Variants in CFHR3 observed in about 807,000 individuals in gnomAD.
CFHR3 encodes the protein complement factor H-related protein 3.
A neutral mutation model predicts 36.0 loss-of-function variants in CFHR3; 22 were observed. That is an observed-to-expected ratio of 0.61 (90% CI 0.44 to 0.87). The LOEUF (loss-of-function observed/expected upper bound fraction) is 0.87, where lower values mean the gene tolerates loss of function less well. CFHR3 is among the 40% of genes least tolerant of loss of function. The probability of loss-of-function intolerance (pLI) is 0.00; values close to 1 mark genes in which losing one functional copy is unlikely to be tolerated. For synonymous variants in CFHR3, 97 were observed against 137.4 expected (o/e 0.71, Z 2.06); for missense variants, 276 against 401.3 (o/e 0.69, Z 2.67).
chr1:196,782,109 T>C (rs1470156531), intron 3 of CFHR3, among the ~76,000 whole-genome samples: 1 of 136,984 alleles, frequency 7.3e-6, no homozygotes, highest in African/African-American at 3.1e-5. Context: ...GATCAGATAG[T>C]TGTAGATATG....
In CFHR3 at chr1:196,775,397, T is replaced by C. The variant is rs562379472; in HGVS notation, c.58+453T>C. On this transcript the variant is annotated intron_variant, in intron 1 of 5. Coordinates refer to ENST00000367425, the MANE Select transcript of CFHR3 (RefSeq NM_021023.6). ...AAATCAAATAATACATTTTAAATTA[T>C]GCAGTTTCTTATATTTCTATTATAG... is the stretch of plus-strand genomic sequence containing the variant. 1.1e-4 allele frequency among the ~76,000 whole-genome samples: 15 copies of C among 137,274 alleles called. 3 individuals are homozygous for C. The highest frequency in any genetic ancestry group is 1.1e-3 in the Admixed American group (15 of 14,228). 90.1% of individuals were successfully genotyped at this position (137,274 alleles called of 152,430 possible).
At chr1:196,781,449 C>T (rs2124845773) in intron 3 of CFHR3, among the ~76,000 whole-genome samples, 1 of 134,276 alleles carries the variant, frequency 7.4e-6, no homozygotes, top group African/African-American at 3.2e-5. Context: ...TTCTTCACAT[C>T]CTCTCCAGCA....
intron 3 of CFHR3, among the ~76,000 whole-genome samples, chr1:196,782,991 T>C (rs1654021258): frequency 7.3e-6 from 1 of 137,184 alleles, no homozygotes; most frequent in Non-Finnish European, 1.5e-5. Flanking sequence ...ATATCTAATT[T>C]ATTGAGAGTT....
At position 196,793,488 on chromosome 1, in the gene CFHR3, T is replaced by C; in HGVS notation, c.968T>C (p.Ile323Thr). The change falls in exon 6 of 6, where the codon ATA (isoleucine) becomes ACA (threonine). Residue 323 changes from isoleucine to threonine, a missense_variant. Ile to Thr is a moderately conservative substitution (Grantham distance 89, BLOSUM62 -1). Around this residue, in one of 3 missense-constraint regions of CFHR3, gnomAD observed 76 missense variants for 79.8 expected, o/e 0.95. Coordinates refer to ENST00000367425, the MANE Select transcript of CFHR3 (RefSeq NM_021023.6). ...LSFQAVCREGIVEYPRCE is the reference protein window; with the variant it reads ...LSFQAVCREGTVEYPRCE ...TTTCAAGCAGTGTGTCGGGAAGGGA[T>C]AGTGGAATACCCCAGATGCGAATAA... 6 of 1,526,270 alleles carry C rather than the reference T, an allele frequency of 3.9e-6. 1 individual carries two copies. Among genetic ancestry groups the C allele is most frequent in the Non-Finnish European group, 5.3e-6 (6 of 1,128,626 alleles). 94.5% of individuals were successfully genotyped at this position (1,526,270 alleles called of 1,614,324 possible).
rs1039873826 is a variant in CFHR3 at position 196,784,282 on chromosome 1, G to A, written c.431-3934G>A. 6.6e-5 allele frequency among the ~76,000 whole-genome samples: 9 copies of A among 136,416 alleles called. 2 individuals are homozygous for A. Among genetic ancestry groups the A allele is most frequent in the Non-Finnish European group, 1.2e-4 (8 of 64,452 alleles). The allele number at this position is 136,416 out of a possible 152,430, so 89.5% of individuals were successfully genotyped here. Reference sequence around the variant, plus strand: ...TGCTGAAAAAAATGTATATTCTGTCGATTTGGGGTGGAGAGTTCTGTAAAT... The same window carrying A: ...TGCTGAAAAAAATGTATATTCTGTCAATTTGGGGTGGAGAGTTCTGTAAAT... On this transcript the variant is annotated intron_variant, in intron 3 of 5. Transcript: ENST00000367425.
At position 196,791,326 on chromosome 1, in the gene CFHR3, C is replaced by A. The variant is rs544212078; in HGVS notation, c.796+1099C>A. ...GCAACACAACTCAAAAAATATAAGC[C>A]ACAATGATTATGGCAACAACAAGAA... On this transcript the variant is annotated intron_variant, in intron 5 of 5. Coordinates refer to ENST00000367425, the MANE Select transcript of CFHR3 (RefSeq NM_021023.6). Among the ~76,000 whole-genome samples, 73 of 136,506 alleles carry A rather than the reference C, an allele frequency of 5.3e-4. 13 individuals are homozygous for A. Among genetic ancestry groups the A allele is most frequent in the Middle Eastern group, 7.8e-3 (2 of 256 alleles). 89.6% of individuals were successfully genotyped at this position (136,506 alleles called of 152,430 possible).
chr1:196,788,538 T>C, intron 4 of CFHR3, 140 bp downstream of exon 4: 1 of 1,289,548 alleles, frequency 7.8e-7, no homozygotes. Context: ...CAACATTCTG[T>C]GCCAAATTAA....
chr1:196,779,446 A>T (rs1167367560), intron 2 of CFHR3, 90 bp downstream of exon 2: 7 of 1,072,302 alleles, frequency 6.5e-6, no homozygotes, highest in African/African-American at 2.0e-5. Flanking sequence ...TGTCTTATGT[A>T]ACAGAAATAG....
At chr1:196,777,470 T>C (rs376841) in intron 1 of CFHR3, among the ~76,000 whole-genome samples, 37,993 of 134,682 alleles carry the variant, frequency 0.28, 10,765 homozygotes, top group East Asian at 0.51. Flanking sequence ...CAAATTTATT[T>C]CAAGTTTAAC....
rs578077705 is a variant in CFHR3 at position 196,787,965 on chromosome 1, T to C, written c.431-251T>C. 1.2e-4 allele frequency among the ~76,000 whole-genome samples: 17 copies of C among 137,204 alleles called. 3 individuals are homozygous for C. The South Asian group carries it at 4.0e-3, about 33-fold the overall frequency. The allele number at this position is 137,204 out of a possible 152,430, so 90.0% of individuals were successfully genotyped here. ...TCCTAGATCTGCACTCCTCAAGGAC[T>C]GCCAGAGCTCTGTTGACAGTCTCAA... On this transcript the variant is annotated intron_variant, in intron 3 of 5. Coordinates refer to ENST00000367425, the MANE Select transcript of CFHR3 (RefSeq NM_021023.6).
At chr1:196,790,748 A>T (rs1336366669) in intron 5 of CFHR3, among the ~76,000 whole-genome samples, 1 of 73,440 alleles carries the variant, frequency 1.4e-5, no homozygotes, top group Admixed American at 1.4e-4. Context: ...TAATAAATAA[A>T]TAAATAAATA....
rs1273069699 is a variant in CFHR3 at position 196,785,408 on chromosome 1, T to G, written c.431-2808T>G. On this transcript the variant is annotated intron_variant, in intron 3 of 5. Transcript: ENST00000367425. ...ATATCCTGCAGAGTGTTTTCCAACT[T>G]GGTTCCATTCTCCCCGTCACTTTCA... Among the ~76,000 whole-genome samples the G allele has an allele frequency of 7.4e-5, 10 of 134,744 alleles. 1 individual carries two copies. The highest frequency in any genetic ancestry group is 2.9e-4 in the African/African-American group (9 of 31,522). The allele number at this position is 134,744 out of a possible 152,430, so 88.4% of individuals were successfully genotyped here. A position where few individuals can be genotyped will look rare whatever the true frequency, so the allele number is the denominator to read the frequency against.
At chr1:196,792,709 A>C (rs1308948811) in intron 5 of CFHR3, among the ~76,000 whole-genome samples, 1 of 136,110 alleles carries the variant, frequency 7.3e-6, no homozygotes, top group Non-Finnish European at 1.6e-5. Context: ...TTTAAAATAG[A>C]AAATGAAGAT....
intron 5 of CFHR3, among the ~76,000 whole-genome samples, chr1:196,792,046 G>C (rs1317764040): frequency 2.3e-5 from 3 of 131,970 alleles, no homozygotes; most frequent in Non-Finnish European, 3.1e-5. Flanking sequence ...TATACATATG[G>C]CATATTAAAG....
intron 3 of CFHR3, among the ~76,000 whole-genome samples, chr1:196,782,410 T>C (rs1472703235): frequency 7.3e-6 from 1 of 137,054 alleles, no homozygotes; most frequent in East Asian, 2.0e-4. Flanking sequence ...GCCATTTTCA[T>C]GATATTGATT....
At position 196,790,508 on chromosome 1, in the gene CFHR3, T is replaced by G. The variant is rs1373502245; in HGVS notation, c.796+281T>G. The stretch of plus-strand genomic sequence containing the variant: ...TTGGAAGGCCGAGGCAGGCAGACCA[T>G]GAGGTCAGGAGTTCGAGATCAGCCT... On this transcript the variant is annotated intron_variant, in intron 5 of 5. Coordinates refer to ENST00000367425, the MANE Select transcript of CFHR3 (RefSeq NM_021023.6). Among the ~76,000 whole-genome samples, 2 of 135,526 alleles carry G rather than the reference T, an allele frequency of 1.5e-5. 1 individual carries two copies. Among genetic ancestry groups the G allele is most frequent in the African/African-American group, 6.2e-5 (2 of 32,238 alleles). 88.9% of individuals were successfully genotyped at this position (135,526 alleles called of 152,430 possible).
At chr1:196,783,016 T>C (rs1654022535) in intron 3 of CFHR3, among the ~76,000 whole-genome samples, 2 of 136,676 alleles carry the variant, frequency 1.5e-5, no homozygotes, top group Non-Finnish European at 3.1e-5. Context: ...GCATGAAGCG[T>C]TGTTGAATTT....
intron 3 of CFHR3, among the ~76,000 whole-genome samples, chr1:196,781,108 A>G (rs1653931814): frequency 1.5e-5 from 2 of 133,838 alleles, no homozygotes; most frequent in Admixed American, 7.2e-5. Context: ...AGTTTCATCC[A>G]TGTCCCTACA....
At chr1:196,789,451 C>T in intron 4 of CFHR3, 1 of 949,430 alleles carries the variant, frequency 1.1e-6, no homozygotes, top group Non-Finnish European at 1.3e-6. Context: ...TTCAATTTTA[C>T]TCAGCTTTGA....
Sources: gnomAD v4.1 joint callset for allele counts (sites outside exome capture counted in the v4.1 genomes callset) on GRCh38, gnomAD v4.1.1 for gene constraint, gnomAD v4.1.1 regional missense constraint, MANE v1.5 for transcripts, NCBI Gene and HGNC (gene_info 2026-07-23, HGNC 2026-07-21) for gene names.